Variants in FGF12 observed in about 807,000 individuals in gnomAD.
FGF12 encodes fibroblast growth factor 12, also known as fibroblast growth factor 12B.
A neutral mutation model predicts 23.6 loss-of-function variants in FGF12; 14 were observed. That is an observed-to-expected ratio of 0.59 (90% CI 0.39 to 0.93). The LOEUF (loss-of-function observed/expected upper bound fraction) is 0.93. Ranked by LOEUF, FGF12 falls within the 40% of genes least tolerant of loss-of-function variation. FGF12 has a pLI of 0.00. For missense variants in FGF12, 175 were observed against 217.8 expected (o/e 0.80, Z 1.24); for synonymous variants, 62 against 77.3 (o/e 0.80, Z 1.04).
rs367856485 is a variant in FGF12, at chr3:192,432,837, C to T, written c.14-72299G>A. Among the ~76,000 whole-genome samples the T allele has an allele frequency of 4.6e-5, 7 of 152,032 alleles. No homozygotes were observed. In the South Asian group the frequency reaches 1.5e-3, roughly 32 times the overall value. On this transcript the variant is annotated intron_variant, in intron 2 of 5. Coordinates refer to ENST00000445105, the MANE Select transcript of FGF12 (RefSeq NM_004113.6). ...GTGAAGCTGTGTCCGGTTTACTGAC[C>T]CACCGAAACTGAGATATGAGCATGT... is the stretch of plus-strand genomic sequence containing the variant.
intron 4 of FGF12, among the ~76,000 whole-genome samples, chr3:192,274,174 T>A (rs1188489414): frequency 6.6e-6 from 1 of 152,200 alleles, no homozygotes; most frequent in Non-Finnish European, 1.5e-5. Context: ...TATCCAGAGA[T>A]ATACTGAAAT....
At chr3:192,691,047 A>G (rs1329628016) in intron 2 of FGF12, among the ~76,000 whole-genome samples, 1 of 152,092 alleles carries the variant, frequency 6.6e-6, no homozygotes, top group Non-Finnish European at 1.5e-5. Flanking sequence ...GCAAATATTA[A>G]CAGATCCGAA....
intron 2 of FGF12, among the ~76,000 whole-genome samples, chr3:192,520,067 A>T (rs1724778759): frequency 6.6e-6 from 1 of 152,184 alleles, no homozygotes; most frequent in South Asian, 2.1e-4. Flanking sequence ...AGCAACCAAC[A>T]TCTGAGCGCT....
intron 2 of FGF12, among the ~76,000 whole-genome samples, chr3:192,592,336 C>T (rs1165906894): frequency 6.6e-6 from 1 of 151,834 alleles, no homozygotes; most frequent in Non-Finnish European, 1.5e-5. Flanking sequence ...TTCAGACTAC[C>T]TGGTTCTAGG....
chr3:192,239,769 A>G (rs1719502071), intron 4 of FGF12, among the ~76,000 whole-genome samples: 1 of 152,178 alleles, frequency 6.6e-6, no homozygotes, highest in Non-Finnish European at 1.5e-5. Flanking sequence ...CCAACCCCCA[A>G]CTAGTCTGTG....
At chr3:192,602,286 A>G (rs1714146174) in intron 2 of FGF12, among the ~76,000 whole-genome samples, 1 of 152,168 alleles carries the variant, frequency 6.6e-6, no homozygotes, top group African/African-American at 2.4e-5. Flanking sequence ...TTATTTAAGA[A>G]GTAAAAAATT....
intron 2 of FGF12, among the ~76,000 whole-genome samples, chr3:192,647,880 A>T (rs1345558001): frequency 6.6e-6 from 1 of 152,008 alleles, no homozygotes; most frequent in East Asian, 1.9e-4. Flanking sequence ...TAAATAGGAA[A>T]GCTGCTCAAG....
At chr3:192,256,625 G>T (rs1360154975) in intron 4 of FGF12, among the ~76,000 whole-genome samples, 1 of 151,972 alleles carries the variant, frequency 6.6e-6, no homozygotes, top group African/African-American at 2.4e-5. Flanking sequence ...AGTTTCTCTT[G>T]CTCCCTTAAA....
chr3:192,225,601 T>C (rs1370918781), intron 4 of FGF12, among the ~76,000 whole-genome samples: 1 of 152,162 alleles, frequency 6.6e-6, no homozygotes, highest in Non-Finnish European at 1.5e-5. Context: ...CTTCTACTCC[T>C]ACTTTATATA....
intron 4 of FGF12, among the ~76,000 whole-genome samples, chr3:192,286,479 TCTGA>T (rs1714455136): frequency 6.6e-6 from 1 of 152,022 alleles, no homozygotes; most frequent in South Asian, 2.1e-4. Context: ...TGATCTGCAA[TCTGA>T]CTGAATTGAT....
rs903703981 is a variant in FGF12, at chr3:192,261,571, T to G, written c.228+73790A>C. 3.3e-5 allele frequency among the ~76,000 whole-genome samples: 5 copies of G among 152,184 alleles called. 1 individual carries two copies. The highest frequency in any genetic ancestry group is 1.2e-4 in the African/African-American group (5 of 41,454). Reference sequence around the variant, plus strand: ...GTGATCTAAAGTGTCTGTAGAGCTGTGGAGATGTCATGGCTCCGCCAGAGG... The same window carrying G: ...GTGATCTAAAGTGTCTGTAGAGCTGGGGAGATGTCATGGCTCCGCCAGAGG... On this transcript the variant is annotated intron_variant, in intron 4 of 5. Transcript: ENST00000445105.
chr3:192,360,425 T>C lies in FGF12; in HGVS notation c.124+3A>G, dbSNP rs757027501. 1.3e-6 allele frequency: 2 copies of C among 1,587,602 alleles called. No homozygotes were observed. The highest frequency in any genetic ancestry group is 1.7e-6 in the Non-Finnish European group (2 of 1,155,910). ...CAGATTGTAAGAAGCTAATGTTTCT[T>C]ACTGTAGTCGCTGTTTTCGTCCTTG... On this transcript the variant is annotated splice_donor_region_variant and intron_variant, in intron 3 of 5. Coordinates refer to ENST00000445105, the MANE Select transcript of FGF12 (RefSeq NM_004113.6). This position sits in a 1 kb window ranked among gnomAD's most constrained non-coding sequence, Gnocchi z 4.3.
At chr3:192,189,322 C>G (rs1716655110) in intron 4 of FGF12, among the ~76,000 whole-genome samples, 1 of 152,180 alleles carries the variant, frequency 6.6e-6, no homozygotes, top group Admixed American at 6.5e-5. Flanking sequence ...AGGCATGCTT[C>G]TCAGTTCCAA....
intron 2 of FGF12, among the ~76,000 whole-genome samples, chr3:192,522,865 G>A (rs1459042165): frequency 6.6e-6 from 1 of 152,138 alleles, no homozygotes; most frequent in African/African-American, 2.4e-5. Flanking sequence ...ATAAGAATGT[G>A]CATACGTTCA....
intron 2 of FGF12, among the ~76,000 whole-genome samples, chr3:192,548,052 T>C (rs1012077037): frequency 6.6e-6 from 1 of 152,186 alleles, no homozygotes; most frequent in African/African-American, 2.4e-5. Flanking sequence ...GAAAATGCCT[T>C]TCTTAGCATA....
At chr3:192,159,658 A>G (rs548206905) in intron 5 of FGF12, among the ~76,000 whole-genome samples, 31 of 152,326 alleles carry the variant, frequency 2.0e-4, no homozygotes, top group Admixed American at 1.9e-3. Flanking sequence ...TTTGAAAAGT[A>G]GTCATAGAAC....
At chr3:192,366,268 T>C (rs1718980156) in intron 2 of FGF12, among the ~76,000 whole-genome samples, 1 of 152,180 alleles carries the variant, frequency 6.6e-6, no homozygotes, top group Non-Finnish European at 1.5e-5. Flanking sequence ...CAGAAAATTG[T>C]GCAAGAAATA....
chr3:192,240,662 A>G (rs1206160638), intron 4 of FGF12, among the ~76,000 whole-genome samples: 2 of 152,112 alleles, frequency 1.3e-5, no homozygotes, highest in African/African-American at 4.8e-5. Context: ...TTCCTTTTCC[A>G]GTCCTCATGC....
intron 2 of FGF12, among the ~76,000 whole-genome samples, chr3:192,722,559 A>C (rs1398186108): frequency 6.6e-6 from 1 of 152,164 alleles, no homozygotes; most frequent in Non-Finnish European, 1.5e-5. Context: ...AGAGTGGGTC[A>C]AATTACTCCC....
Sources: gnomAD v4.1 joint callset for allele counts (sites outside exome capture counted in the v4.1 genomes callset) on GRCh38, gnomAD v4.1.1 for gene constraint, Gnocchi (gnomAD v3.1) non-coding constraint, MANE v1.5 for transcripts, NCBI Gene and HGNC (gene_info 2026-07-23, HGNC 2026-07-21) for gene names.